Variants in SUPT7L observed in about 807,000 individuals in gnomAD.
The protein encoded by SUPT7L is SPT7 like, STAGA complex subunit gamma.
A neutral mutation model predicts 35.7 loss-of-function variants in SUPT7L; 15 were observed. That is an observed-to-expected ratio of 0.42 (90% CI 0.28 to 0.65). SUPT7L has a LOEUF of 0.65. Among genes scored for constraint, SUPT7L ranks in the 30% least tolerant of loss-of-function variants. SUPT7L has a pLI of 0.23. For synonymous variants in SUPT7L, 168 were observed against 186.2 expected (o/e 0.90, Z 0.79); for missense variants, 434 against 522.2 (o/e 0.83, Z 1.65).
chr2:27,642,954 T>TACACACACACACAC, the SUPT7L span, among the ~76,000 whole-genome samples: 596 of 46,760 alleles, frequency 0.013, 11 homozygotes, highest in Admixed American at 0.074. Flanking sequence ...TATATATATA[T>TACACACACACACAC]ATATACACAC....
At chr2:27,644,010 C>G in the SUPT7L span, among the ~76,000 whole-genome samples, 2 of 152,158 alleles carry the variant, frequency 1.3e-5, no homozygotes, top group Non-Finnish European at 2.9e-5. Flanking sequence ...GAAACCCCAT[C>G]TCTCCTAAAA....
the SUPT7L span, among the ~76,000 whole-genome samples, chr2:27,645,110 G>C: frequency 6.6e-6 from 1 of 152,074 alleles, no homozygotes; most frequent in Non-Finnish European, 1.5e-5. Flanking sequence ...TAGATCTACA[G>C]GTGTGTGCCA....
downstream of SUPT7L, among the ~76,000 whole-genome samples, chr2:27,649,265 A>C (rs1237514185): frequency 8.5e-6 from 1 of 117,784 alleles, no homozygotes; most frequent in Non-Finnish European, 2.0e-5. Flanking sequence ...ACAAACAAAC[A>C]AACAAAAAAA....
chr2:27,660,894 C>T (rs576973012), intron 3 of SUPT7L, 90 bp downstream of exon 3: 16 of 1,444,722 alleles, frequency 1.1e-5, no homozygotes, highest in African/African-American at 7.1e-5. Context: ...TCAGTTTCCT[C>T]GCATGAAAAT....
chr2:27,663,466 C>T lies in SUPT7L; in HGVS notation c.-227G>A. On this transcript the variant is annotated 5_prime_UTR_variant, in exon 1 of 6. Transcript: ENST00000337768. ...CCTGACGTTCAGGGCAGCCGGAAGA[C>T]GGGGAGGTCTGGACCTGAACCGAGA... is the stretch of plus-strand genomic sequence containing the variant. 2.8e-6 allele frequency: 1 copy of T among 361,470 alleles called. No homozygotes were observed. The allele number at this position is 361,470 out of a possible 1,614,324, so 22.4% of individuals were successfully genotyped here.
downstream of SUPT7L, among the ~76,000 whole-genome samples, chr2:27,647,400 G>A (rs548554869): frequency 9.2e-5 from 14 of 152,214 alleles, no homozygotes; most frequent in African/African-American, 3.4e-4. Context: ...ATTTCACCCT[G>A]TATTTTCTGC....
At chr2:27,646,707 C>T (rs1033497360), downstream of SUPT7L, among the ~76,000 whole-genome samples, 8 of 151,994 alleles carry the variant, frequency 5.3e-5, no homozygotes, top group East Asian at 1.5e-3. Flanking sequence ...ATAAATTGTA[C>T]ATTTATTTTT....
Position 27,657,320 on chromosome 2 carries a change from C to A in SUPT7L, c.744+25G>T. 1 of 1,605,442 alleles carries A rather than the reference C, an allele frequency of 6.2e-7. No homozygotes were observed. Among genetic ancestry groups the A allele is most frequent in the Non-Finnish European group, 8.5e-7 (1 of 1,174,596 alleles). On this transcript the variant is annotated intron_variant, in intron 4 of 5. Coordinates refer to ENST00000337768, the MANE Select transcript of SUPT7L (RefSeq NM_014860.3). The surrounding 1 kb of genome is among the most constrained non-coding windows in gnomAD (Gnocchi z 5.2). The stretch of plus-strand genomic sequence containing the variant: ...TCCGAGATTGCACAGACATCTGTGC[C>A]CACTTTTCAACAGGGTCGCCTCACC...
At position 27,661,078 on chromosome 2, in the gene SUPT7L, G is replaced by A. The variant is rs1675077556; in HGVS notation, c.325C>T (p.Pro109Ser). 2 of 1,614,062 alleles carry A rather than the reference G, an allele frequency of 1.2e-6. No homozygotes were observed. Among genetic ancestry groups the A allele is most frequent in the Non-Finnish European group, 1.7e-6 (2 of 1,180,048 alleles). ...GGCAGGAGGTCATCAGGGAGAGGAG[G>A]TGACCCAGGGCACGAGGGAAGAGGT... ...SEPLPSCPGS[P>S]PLPDDLLPLD... is the part of the protein sequence containing the mutation. Residue 109 changes from proline to serine, a missense_variant, in exon 3 of 6, where the codon CCT becomes TCT. Around this residue, in one of 3 missense-constraint regions of SUPT7L, gnomAD observed 198 missense variants for 190.8 expected, o/e 1.04. Transcript: ENST00000337768.
chr2:27,651,341 C>T lies in SUPT7L; in HGVS notation c.*2144G>A, dbSNP rs1674537587. 6.6e-6 allele frequency: 1 copy of T among 152,284 alleles called. No homozygotes were observed. The highest frequency in any genetic ancestry group is 1.5e-5 in the Non-Finnish European group (1 of 68,034). The allele number at this position is 152,284 out of a possible 1,614,324, so 9.4% of individuals were successfully genotyped here. The stretch of plus-strand genomic sequence containing the variant: ...GCTGAGCAGTCTGTTTTAGAAAGCC[C>T]TCCATGTGATTCTGATGCATAGTAG... On this transcript the variant is annotated 3_prime_UTR_variant, in exon 6 of 6. Transcript: ENST00000337768.
At chr2:27,656,555 T>C (rs1210083434) in intron 4 of SUPT7L, among the ~76,000 whole-genome samples, 2 of 150,158 alleles carry the variant, frequency 1.3e-5, no homozygotes, top group African/African-American at 2.5e-5. Context: ...ATATTAGATA[T>C]ATATATTACA....
chr2:27,653,867 T>C (rs972623751), intron 5 of SUPT7L, 120 bp from the exon 6 acceptor site: 1 of 1,289,956 alleles, frequency 7.8e-7, no homozygotes, highest in Non-Finnish European at 1.1e-6. Context: ...TTCACTCTGA[T>C]TCTGTACTTG....
At chr2:27,655,314 T>G (rs760689220) in intron 5 of SUPT7L, 51 bp downstream of exon 5, 2 of 1,482,714 alleles carry the variant, frequency 1.3e-6, no homozygotes, top group Non-Finnish European at 1.8e-6. Flanking sequence ...CAAAAAGTAC[T>G]GAAATTGGCA....
At chr2:27,644,722 T>TG in the SUPT7L span, among the ~76,000 whole-genome samples, 1 of 143,578 alleles carries the variant, frequency 7.0e-6, no homozygotes, top group African/African-American at 2.7e-5. Context: ...TTTTTGGTAG[T>TG]GTTTTTTTTT....
chr2:27,646,799 T>C (rs188794667), downstream of SUPT7L, among the ~76,000 whole-genome samples: 403 of 152,352 alleles, frequency 2.6e-3, 1 homozygote, highest in African/African-American at 9.1e-3. Context: ...TGAAAGTTAT[T>C]GCTCTATATC....
At chr2:27,661,509 G>A in intron 2 of SUPT7L, 121 bp from the exon 3 acceptor site, 3 of 1,492,276 alleles carry the variant, frequency 2.0e-6, no homozygotes, top group Non-Finnish European at 2.7e-6. Flanking sequence ...AAAATACGAG[G>A]TCTAGCCAGT....
chr2:27,657,635 G>A lies in SUPT7L; in HGVS notation c.454C>T (p.His152Tyr). The A allele has an allele frequency of 6.2e-7, 1 of 1,613,924 alleles. No individual in the cohort carries two copies. The highest frequency in any genetic ancestry group is 8.5e-7 in the Non-Finnish European group (1 of 1,179,854). Reference protein sequence around the residue: ...KGEPVTELSWHSCRQLLYQAV... With the variant: ...KGEPVTELSWYSCRQLLYQAV... ...TGGTAGAGGAGCTGCCGACAGGAGTGCCAGCTGAGTTCAGTCACAGGTTCC... is the reference window on the plus strand; with the variant it reads ...TGGTAGAGGAGCTGCCGACAGGAGTACCAGCTGAGTTCAGTCACAGGTTCC... The change falls in exon 4 of 6, where the codon CAC becomes TAC. Residue 152 changes from histidine to tyrosine, a missense_variant. Physicochemically the swap from His to Tyr is moderately conservative, Grantham distance 83. Around this residue, in one of 3 missense-constraint regions of SUPT7L, gnomAD observed 198 missense variants for 190.8 expected, o/e 1.04. Coordinates refer to ENST00000337768, the MANE Select transcript of SUPT7L (RefSeq NM_014860.3). This position sits in a 1 kb window ranked among gnomAD's most constrained non-coding sequence, Gnocchi z 5.2.
At chr2:27,644,046 C>T in the SUPT7L span, among the ~76,000 whole-genome samples, 4 of 152,052 alleles carry the variant, frequency 2.6e-5, no homozygotes, top group Non-Finnish European at 5.9e-5. Context: ...TGGGCGTGGT[C>T]GTGCATGTCT....
rs909218870 is a variant in SUPT7L at position 27,655,568 on chromosome 2, A to G, written c.779T>C (p.Ile260Thr). The change falls in exon 5 of 6, where the codon ATT (isoleucine) becomes ACT (threonine). Residue 260 changes from isoleucine (I) to threonine (T), a missense_variant. This residue lies in a region of SUPT7L where 159 missense variants were observed against 217.1 expected (regional missense o/e 0.73). Transcript: ENST00000337768. ...SKQLSEEYER[I>T]VNPEKATEDA... ...CTCTGTGGCCTTCTCAGGATTGACA[A>G]TCCTTTCATATTCTTCAGAGAGTTG... The G allele has an allele frequency of 1.0e-5, 16 of 1,607,030 alleles. No homozygotes were observed. The highest frequency in any genetic ancestry group is 1.3e-5 in the African/African-American group (1 of 74,450).
Sources: allele counts gnomAD v4.1 joint callset (sites outside exome capture counted in the v4.1 genomes callset), GRCh38; gene constraint gnomAD v4.1.1; regional missense constraint gnomAD v4.1.1; non-coding constraint Gnocchi (gnomAD v3.1); transcripts MANE v1.5; gene names NCBI Gene and HGNC (gene_info 2026-07-23, HGNC 2026-07-21).